RBFOX1: variants seen among roughly 807,000 people sequenced by gnomAD.
RBFOX1 encodes RNA binding protein fox-1 homolog 1.
In RBFOX1, 8 loss-of-function variants were observed where a neutral mutation model predicts 57.7. That is an observed-to-expected ratio of 0.14 (90% confidence interval 0.08 to 0.25). The LOEUF is 0.25. Ranked by LOEUF, RBFOX1 falls within the 10% of genes least tolerant of loss-of-function variation. The pLI, the probability that RBFOX1 is intolerant of heterozygous loss-of-function variation, is 1.00. For synonymous variants in RBFOX1, 326 were observed against 222.4 expected (o/e 1.47, Z -4.15); for missense variants, 611 against 548.5 (o/e 1.11, Z -1.14).
chr16:5,364,778 A>G (rs2065661346), intron 1 of RBFOX1, among the ~76,000 whole-genome samples: 1 of 151,860 alleles, frequency 6.6e-6, no homozygotes, highest in South Asian at 2.1e-4. Flanking sequence ...CCTGTGAGGC[A>G]GGTGCTGCTT....
chr16:7,259,183 C>T (rs150543629), intron 4 of RBFOX1, among the ~76,000 whole-genome samples: 4 of 152,278 alleles, frequency 2.6e-5, no homozygotes, highest in East Asian at 1.9e-4. Flanking sequence ...TCCACCATCA[C>T]GCTATGAAGT....
rs546762595 is a variant in RBFOX1 at position 5,829,684 on chromosome 16, G to A, written c.319-37619G>A. On this transcript the variant is annotated intron_variant, in intron 3 of 19. Coordinates refer to the RBFOX1 transcript ENST00000641259. Reference sequence around the variant, plus strand: ...TGCTGTCCATGAGCCAGGCATTGACGCAAGAGAACAAAGGCATTGCTAATG... The same window carrying A: ...TGCTGTCCATGAGCCAGGCATTGACACAAGAGAACAAAGGCATTGCTAATG... 8.2e-5 allele frequency among the ~76,000 whole-genome samples: 11 copies of A among 134,900 alleles called. No homozygotes were observed. In the East Asian group the frequency reaches 1.1e-3, roughly 14 times the overall value. The allele number at this position is 134,900 out of a possible 152,430, so 88.5% of individuals were successfully genotyped here.
chr16:6,181,513 A>G (rs1438937837), intron 1 of RBFOX1, among the ~76,000 whole-genome samples: 1 of 152,216 alleles, frequency 6.6e-6, no homozygotes, highest in Non-Finnish European at 1.5e-5. Flanking sequence ...TCACTCAGCC[A>G]TAGCTGGTAG....
At chr16:5,526,815 G>T (rs1458150424) in intron 2 of RBFOX1, among the ~76,000 whole-genome samples, 1 of 152,164 alleles carries the variant, frequency 6.6e-6, no homozygotes, top group Non-Finnish European at 1.5e-5. Flanking sequence ...TAGGCAGGAA[G>T]CGTGTTATTG....
chr16:6,797,232 C>G (rs1414759926), intron 3 of RBFOX1, among the ~76,000 whole-genome samples: 1 of 152,110 alleles, frequency 6.6e-6, no homozygotes, highest in African/African-American at 2.4e-5. Flanking sequence ...TTGGCCGTGC[C>G]TTTGATGGAT....
chr16:7,610,750 G>C (rs1287855333), intron 10 of RBFOX1, among the ~76,000 whole-genome samples: 2 of 152,200 alleles, frequency 1.3e-5, no homozygotes, highest in African/African-American at 4.8e-5. Context: ...AAGTCTGGCT[G>C]GCTTAAATCT....
At chr16:6,910,597 C>T (rs2153431281) in intron 3 of RBFOX1, among the ~76,000 whole-genome samples, 1 of 152,294 alleles carries the variant, frequency 6.6e-6, no homozygotes, top group Non-Finnish European at 1.5e-5. Flanking sequence ...GGCTGCATTT[C>T]TTCCGGAGGT....
chr16:5,848,562 T>C (rs775025672), intron 3 of RBFOX1, among the ~76,000 whole-genome samples: 1 of 152,152 alleles, frequency 6.6e-6, no homozygotes, highest in African/African-American at 2.4e-5. Context: ...ATCATCCTAA[T>C]TGTAACGGAT....
At chr16:7,081,257 A>G (rs1283439906) in intron 4 of RBFOX1, among the ~76,000 whole-genome samples, 2 of 152,128 alleles carry the variant, frequency 1.3e-5, no homozygotes, top group Non-Finnish European at 2.9e-5. Context: ...CTGGTCTTGA[A>G]CTGCTGACCT....
intron 3 of RBFOX1, among the ~76,000 whole-genome samples, chr16:5,777,596 C>T (rs567502199): frequency 6.6e-6 from 1 of 152,170 alleles, no homozygotes. Context: ...TCGAGCAGGT[C>T]ACTCAACCTT....
chr16:5,831,448 T>C (rs1482710755), intron 3 of RBFOX1, among the ~76,000 whole-genome samples: 3 of 150,620 alleles, frequency 2.0e-5, no homozygotes, highest in Non-Finnish European at 2.9e-5. Flanking sequence ...TGTAGAACTG[T>C]AAGCCAATTA....
chr16:5,548,174 A>ATATATATATATATATATATAT (rs1282445806), intron 2 of RBFOX1, among the ~76,000 whole-genome samples: 4 of 33,570 alleles, frequency 1.2e-4, no homozygotes, highest in South Asian at 1.9e-3. Context: ...AAAAAAAAAA[A>ATATATATATATATATATATAT]ATATATATAT....
chr16:7,208,105 G>A (rs898252918), intron 4 of RBFOX1, among the ~76,000 whole-genome samples: 1 of 152,214 alleles, frequency 6.6e-6, no homozygotes, highest in African/African-American at 2.4e-5. Context: ...GGTGGTTACA[G>A]GAAAAGCTGG....
At chr16:5,407,430 TG>T (rs2066896637) in intron 1 of RBFOX1, among the ~76,000 whole-genome samples, 1 of 152,096 alleles carries the variant, frequency 6.6e-6, no homozygotes, top group Non-Finnish European at 1.5e-5. Context: ...GCAGAGGCCC[TG>T]TGCTGGGAGG....
chr16:6,534,758 G>A (rs752040520), intron 2 of RBFOX1, among the ~76,000 whole-genome samples: 1 of 152,142 alleles, frequency 6.6e-6, no homozygotes, highest in African/African-American at 2.4e-5. Flanking sequence ...TAAGGAGATG[G>A]CATTTCTATG....
intron 3 of RBFOX1, among the ~76,000 whole-genome samples, chr16:5,810,353 G>C (rs1167581639): frequency 6.6e-6 from 1 of 152,080 alleles, no homozygotes; most frequent in East Asian, 1.9e-4. Context: ...ATAAGAATAA[G>C]GTGGTGTCAA....
intron 4 of RBFOX1, among the ~76,000 whole-genome samples, chr16:7,106,356 A>G (rs754416189): frequency 1.5e-4 from 23 of 152,184 alleles, no homozygotes; most frequent in Non-Finnish European, 2.9e-4. Context: ...AAGCTAGTTG[A>G]GAATTGGCAA....
chr16:6,238,643 C>T (rs2097523957), intron 1 of RBFOX1, among the ~76,000 whole-genome samples: 1 of 152,190 alleles, frequency 6.6e-6, no homozygotes, highest in African/African-American at 2.4e-5. Context: ...TTTGGCCGCA[C>T]TCCACACCAA....
At chr16:6,857,206 C>T (rs28733360) in intron 3 of RBFOX1, among the ~76,000 whole-genome samples, 43,802 of 152,078 alleles carry the variant, frequency 0.29, 8,085 homozygotes, top group African/African-American at 0.51. Context: ...CTTTGGCTCT[C>T]TCTACGCTGA....
Sources: allele counts gnomAD v4.1 joint callset (sites outside exome capture counted in the v4.1 genomes callset), GRCh38; gene constraint gnomAD v4.1.1; transcripts MANE v1.5; gene names NCBI Gene and HGNC (gene_info 2026-07-23, HGNC 2026-07-21).